Variants in ASXL3 observed in about 807,000 individuals in gnomAD.
ASXL3 encodes the protein ASXL transcriptional regulator 3, also known as putative Polycomb group protein ASXL3.
A neutral mutation model predicts 170.6 loss-of-function variants in ASXL3; 34 were observed. That is an observed-to-expected ratio of 0.20 (90% confidence interval 0.15 to 0.27). The LOEUF (loss-of-function observed/expected upper bound fraction) is 0.27, where lower values mean the gene tolerates loss of function less well. Ranked by LOEUF, ASXL3 falls within the 10% of genes least tolerant of loss-of-function variation. The pLI is 1.00. For synonymous variants in ASXL3, 1,002 were observed against 989.1 expected (o/e 1.01, Z -0.24); for missense variants, 2,592 against 2,695.3 (o/e 0.96, Z 0.85).
chr18:33,691,312 T>C (rs2066682916), intron 8 of ASXL3, among the ~76,000 whole-genome samples: 1 of 152,090 alleles, frequency 6.6e-6, no homozygotes, highest in Non-Finnish European at 1.5e-5. Flanking sequence ...TAACTCCCAT[T>C]GTTAATTCTA....
chr18:33,616,328 C>T lies in ASXL3; in HGVS notation c.137+8652C>T, dbSNP rs749205784. On this transcript the variant is annotated intron_variant, in intron 2 of 11. Coordinates refer to ENST00000269197, the MANE Select transcript of ASXL3 (RefSeq NM_030632.3). ...ATTTGTGGTTCATTGTGAAATGTCC[C>T]GTTATTTTTTTCATGATATGAAAAG... is the stretch of plus-strand genomic sequence containing the variant. Among the ~76,000 whole-genome samples, 5 of 151,772 alleles carry T rather than the reference C, an allele frequency of 3.3e-5. No homozygotes were observed. The East Asian group carries it at 5.8e-4, about 18-fold the overall frequency.
chr18:33,728,459 A>G (rs2067384151), intron 8 of ASXL3, among the ~76,000 whole-genome samples: 1 of 152,178 alleles, frequency 6.6e-6, no homozygotes, highest in Non-Finnish European at 1.5e-5. Context: ...TGGAATCACA[A>G]GGACATATAT....
chr18:33,579,775 T>A (rs1257327206), intron 1 of ASXL3, among the ~76,000 whole-genome samples: 1 of 152,096 alleles, frequency 6.6e-6, no homozygotes, highest in Admixed American at 6.5e-5. Context: ...GCTTACTATC[T>A]GTTATAAATT....
At chr18:33,603,515 G>A (rs1290164045) in intron 1 of ASXL3, among the ~76,000 whole-genome samples, 2 of 151,930 alleles carry the variant, frequency 1.3e-5, no homozygotes, top group African/African-American at 4.8e-5. Context: ...GAATGTATAT[G>A]TCTTTGAGAT....
At chr18:33,633,713 C>T (rs567201663) in intron 2 of ASXL3, among the ~76,000 whole-genome samples, 3 of 151,754 alleles carry the variant, frequency 2.0e-5, no homozygotes, top group Non-Finnish European at 4.4e-5. Flanking sequence ...AGCGTGATGG[C>T]GCGTGCCTGT....
intron 8 of ASXL3, among the ~76,000 whole-genome samples, chr18:33,713,341 AC>A (rs369212435): frequency 0.03 from 1,693 of 56,062 alleles, 96 homozygotes; most frequent in African/African-American, 0.11. Context: ...TGCAACCTCC[AC>A]CCCCCCCCGG....
rs2065915881 is a variant in ASXL3 at position 33,646,457 on chromosome 18, T to C, written c.355+104T>C. ...TTTCCCACCATTATCAATACAGTTT[T>C]CTTCTAAATTTTTACCGCTGAGATT... On this transcript the variant is annotated intron_variant, in intron 4 of 11. Coordinates refer to ENST00000269197, the MANE Select transcript of ASXL3 (RefSeq NM_030632.3). 1.7e-5 allele frequency: 14 copies of C among 802,470 alleles called. No individual in the cohort carries two copies. The South Asian group carries it at 2.9e-4, about 17-fold the overall frequency. 49.7% of individuals were successfully genotyped at this position (802,470 alleles called of 1,614,324 possible).
intron 1 of ASXL3, among the ~76,000 whole-genome samples, chr18:33,585,248 A>G (rs1277286996): frequency 6.6e-5 from 10 of 152,022 alleles, no homozygotes; most frequent in Non-Finnish European, 1.3e-4. Flanking sequence ...GGGCATCTGT[A>G]TACAACCACT....
In ASXL3 at chr18:33,578,304, C is replaced by A. The variant is rs1279778116; in HGVS notation, c.-328C>A. On this transcript the variant is annotated 5_prime_UTR_variant, in exon 1 of 12. Transcript: ENST00000269197. ...CGCGGCGGTGGCGCAGCGCGAGCCC[C>A]GCACGAGCGAGCCCGGCCGGCGCCG... The A allele has an allele frequency of 1.4e-5, 2 of 146,618 alleles. No homozygotes were observed. The highest frequency in any genetic ancestry group is 3.0e-5 in the Non-Finnish European group (2 of 65,998). The allele number at this position is 146,618 out of a possible 1,614,324, so 9.1% of individuals were successfully genotyped here. A position where few individuals can be genotyped will look rare whatever the true frequency, so the allele number is the denominator to read the frequency against.
At chr18:33,661,822 C>G (rs1438839267) in intron 5 of ASXL3, 85 bp downstream of exon 5, 4 of 1,394,464 alleles carry the variant, frequency 2.9e-6, no homozygotes, top group Non-Finnish European at 3.8e-6. Flanking sequence ...AAACAATAAC[C>G]TAGCAATCAG....
chr18:33,622,808 C>T (rs555463625), intron 2 of ASXL3, among the ~76,000 whole-genome samples: 268 of 152,212 alleles, frequency 1.8e-3, no homozygotes, highest in African/African-American at 5.6e-3. Flanking sequence ...CATACACTTG[C>T]ACTGAGCTGA....
intron 8 of ASXL3, among the ~76,000 whole-genome samples, chr18:33,722,367 G>A (rs1006493874): frequency 1.3e-5 from 2 of 152,156 alleles, no homozygotes; most frequent in African/African-American, 4.8e-5. Flanking sequence ...AAAAGTTCTT[G>A]AGGGTAATTA....
rs189093854 is a variant in ASXL3 at position 33,738,487 on chromosome 18, G to T, written c.1083G>T (p.Lys361Asn). 6.2e-7 allele frequency: 1 copy of T among 1,604,836 alleles called. No individual in the cohort carries two copies. The highest frequency in any genetic ancestry group is 1.7e-5 in the Admixed American group (1 of 58,852). ...EKFFERFYGEKLGMSREESVK... is the reference protein window; with the variant it reads ...EKFFERFYGENLGMSREESVK... ...TAATTTATTTCTAATTTCTGTACAG[G>T]CTGGGCATGTCAAGAGAGGAATCTG... Residue 361 changes from lysine (K) to asparagine (N), a missense_variant and splice_region_variant, in exon 11 of 12, where the codon AAG (lysine) becomes AAT (asparagine). Physicochemically the swap from Lys to Asn is moderately conservative, Grantham distance 94. This residue lies in a region of ASXL3 where 73 missense variants were observed against 142.7 expected (regional missense o/e 0.51). Transcript: ENST00000269197.
At chr18:33,695,068 C>T (rs2066750440) in intron 8 of ASXL3, among the ~76,000 whole-genome samples, 1 of 152,072 alleles carries the variant, frequency 6.6e-6, no homozygotes, top group South Asian at 2.1e-4. Flanking sequence ...ACTCAGGCTC[C>T]TCTTAGAGAT....
intron 2 of ASXL3, among the ~76,000 whole-genome samples, chr18:33,642,251 G>GC (rs2065856300): frequency 2.6e-5 from 4 of 151,976 alleles, no homozygotes; most frequent in Non-Finnish European, 5.9e-5. Context: ...GTAGTTTATG[G>GC]AATTGATGAG....
intron 8 of ASXL3, among the ~76,000 whole-genome samples, chr18:33,713,697 G>T (rs999916264): frequency 6.6e-6 from 1 of 152,188 alleles, no homozygotes; most frequent in Non-Finnish European, 1.5e-5. Context: ...TAGGCCATCT[G>T]GATAACTGCA....
intron 8 of ASXL3, among the ~76,000 whole-genome samples, chr18:33,712,484 T>C (rs2172627): frequency 0.71 from 108,097 of 152,062 alleles, 40,021 homozygotes; most frequent in East Asian, 0.98. Flanking sequence ...TAATCTCTTT[T>C]GTATTTCAGA....
At chr18:33,737,850 C>T (rs971941064) in intron 10 of ASXL3, among the ~76,000 whole-genome samples, 24 of 152,108 alleles carry the variant, frequency 1.6e-4, no homozygotes, top group African/African-American at 4.8e-4. Context: ...ATTCATCTTC[C>T]GTTCATCTTA....
chr18:33,731,334 G>A (rs546118522), intron 8 of ASXL3, among the ~76,000 whole-genome samples: 2 of 152,272 alleles, frequency 1.3e-5, no homozygotes, highest in Admixed American at 1.3e-4. Flanking sequence ...TGGGGTTACA[G>A]TTTGCCAGGC....
Sources: allele counts gnomAD v4.1 joint callset (sites outside exome capture counted in the v4.1 genomes callset), GRCh38; gene constraint gnomAD v4.1.1; regional missense constraint gnomAD v4.1.1; transcripts MANE v1.5; gene names NCBI Gene and HGNC (gene_info 2026-07-23, HGNC 2026-07-21).